CNTN4: variants seen among roughly 807,000 people sequenced by gnomAD.
CNTN4 encodes the protein contactin-4.
Under a neutral mutation model 122.5 loss-of-function variants are expected in CNTN4, and 77 were observed. That is an observed-to-expected ratio of 0.63 (90% CI 0.52 to 0.76). CNTN4 has a LOEUF of 0.76. Among genes scored for constraint, CNTN4 ranks in the 30% least tolerant of loss-of-function variants. The pLI, the probability that CNTN4 is intolerant of heterozygous loss-of-function variation, is 0.00. For missense variants in CNTN4, 1,256 were observed against 1,259.1 expected, an observed-to-expected ratio of 1.00 and a Z score of 0.04; for synonymous variants, 512 against 447.0, an observed-to-expected ratio of 1.15 and a Z score of -1.83.
At chr3:2,407,772 C>G (rs1413928065) in intron 3 of CNTN4, among the ~76,000 whole-genome samples, 1 of 152,102 alleles carries the variant, frequency 6.6e-6, no homozygotes, top group Non-Finnish European at 1.5e-5. Context: ...AAAGTTATTC[C>G]CATCCTGACA....
At chr3:2,319,208 T>C (rs146867843) in intron 2 of CNTN4, among the ~76,000 whole-genome samples, 106 of 152,252 alleles carry the variant, frequency 7.0e-4, no homozygotes, top group African/African-American at 2.3e-3. Flanking sequence ...AAATATTTTA[T>C]ATATATTATT....
intron 3 of CNTN4, among the ~76,000 whole-genome samples, chr3:2,502,990 T>C (rs2076636430): frequency 1.3e-5 from 2 of 152,182 alleles, no homozygotes; most frequent in Non-Finnish European, 2.9e-5. Context: ...ATTCATTTAT[T>C]ACTGAAACAT....
In CNTN4 at chr3:2,251,076, A is replaced by G. The variant is rs1196485526; in HGVS notation, c.-144-88102A>G. On this transcript the variant is annotated intron_variant, in intron 2 of 24. Transcript: ENST00000418658. Reference sequence around the variant, plus strand: ...ACCAAATAAGAATATCCTGCTTTTTACTATAGAAAAGAAGCTAATGGAAAA... The same window carrying G: ...ACCAAATAAGAATATCCTGCTTTTTGCTATAGAAAAGAAGCTAATGGAAAA... 2.6e-5 allele frequency among the ~76,000 whole-genome samples: 4 copies of G among 151,870 alleles called. No homozygotes were observed. In the East Asian group the frequency reaches 7.7e-4, roughly 29 times the overall value.
chr3:3,036,351 G>A (rs1257012023), intron 17 of CNTN4, among the ~76,000 whole-genome samples: 4 of 152,090 alleles, frequency 2.6e-5, no homozygotes, highest in African/African-American at 9.7e-5. Context: ...CTTTAAGAAG[G>A]AAATATGAGA....
intron 4 of CNTN4, among the ~76,000 whole-genome samples, chr3:2,633,260 C>A (rs2082522093): frequency 6.6e-6 from 1 of 152,152 alleles, no homozygotes; most frequent in African/African-American, 2.4e-5. Context: ...GATGCCCCCA[C>A]CCAGGATGCA....
intron 3 of CNTN4, among the ~76,000 whole-genome samples, chr3:2,523,379 T>C (rs1402878492): frequency 1.0e-4 from 14 of 138,266 alleles, no homozygotes; most frequent in Admixed American, 8.8e-4. Context: ...AAAACAAAAC[T>C]TTTTTCTATT....
intron 3 of CNTN4, among the ~76,000 whole-genome samples, chr3:2,527,436 T>TGCTGCTGCTGCTGCTGCTGCTGC (rs34375682): frequency 1.9e-4 from 28 of 150,424 alleles, no homozygotes; most frequent in African/African-American, 5.9e-4. Flanking sequence ...GCTGCTGCTG[T>TGCTGCTGCTGCTGCTGCTGCTGC]TGCTGTTATT....
chr3:2,333,950 G>C (rs2043838619), intron 2 of CNTN4, among the ~76,000 whole-genome samples: 1 of 152,148 alleles, frequency 6.6e-6, no homozygotes, highest in Non-Finnish European at 1.5e-5. Context: ...CTGATTCTGT[G>C]ATGGAAAATG....
At chr3:2,485,553 C>T (rs1357362581) in intron 3 of CNTN4, among the ~76,000 whole-genome samples, 1 of 151,466 alleles carries the variant, frequency 6.6e-6, no homozygotes, top group East Asian at 1.9e-4. Context: ...TAAATACACC[C>T]ATCGGCACTC....
At chr3:2,460,970 A>G (rs1402701794) in intron 3 of CNTN4, among the ~76,000 whole-genome samples, 1 of 152,108 alleles carries the variant, frequency 6.6e-6, no homozygotes, top group Non-Finnish European at 1.5e-5. Context: ...GCCCCTTACT[A>G]GGAAATAAAT....
At chr3:2,127,512 C>G (rs756559951) in intron 2 of CNTN4, among the ~76,000 whole-genome samples, 5 of 151,998 alleles carry the variant, frequency 3.3e-5, no homozygotes, top group African/African-American at 1.2e-4. Flanking sequence ...AAACTAGTCT[C>G]TTTTCTCTAT....
intron 10 of CNTN4, among the ~76,000 whole-genome samples, chr3:2,892,815 C>G (rs2094058960): frequency 6.6e-6 from 1 of 152,164 alleles, no homozygotes; most frequent in Non-Finnish European, 1.5e-5. Context: ...AATACTTAAG[C>G]TGGAAGCAAC....
chr3:2,959,966 C>T (rs1353664170), intron 13 of CNTN4, among the ~76,000 whole-genome samples: 1 of 152,176 alleles, frequency 6.6e-6, no homozygotes, highest in Admixed American at 6.5e-5. Flanking sequence ...TGGACTCAAT[C>T]ATATGGGCAT....
intron 3 of CNTN4, among the ~76,000 whole-genome samples, chr3:2,502,239 GA>G (rs927017418): frequency 2.6e-5 from 4 of 152,088 alleles, no homozygotes; most frequent in Admixed American, 1.3e-4. Context: ...CCAAATTTTA[GA>G]GATACTCCAC....
At chr3:2,764,865 G>A (rs538707719) in intron 6 of CNTN4, among the ~76,000 whole-genome samples, 34 of 152,136 alleles carry the variant, frequency 2.2e-4, no homozygotes, top group African/African-American at 7.5e-4. Flanking sequence ...CCCATTTTAC[G>A]AAGGAGAGAA....
intron 3 of CNTN4, among the ~76,000 whole-genome samples, chr3:2,381,189 G>A (rs907154681): frequency 2.6e-5 from 4 of 152,030 alleles, no homozygotes; most frequent in Non-Finnish European, 1.5e-5. Context: ...TGTATTTTTA[G>A]TAGAGATGGG....
At chr3:2,673,285 T>A (rs1439378863) in intron 4 of CNTN4, among the ~76,000 whole-genome samples, 5 of 152,172 alleles carry the variant, frequency 3.3e-5, no homozygotes, top group Admixed American at 6.5e-5. Context: ...TACAGTCGAT[T>A]TATGCTATCA....
intron 13 of CNTN4, among the ~76,000 whole-genome samples, chr3:2,977,910 G>T (rs1020673076): frequency 3.3e-4 from 50 of 152,292 alleles, no homozygotes; most frequent in African/African-American, 1.2e-3. Context: ...ACAGAGGGAA[G>T]ACAATGTAAA....
In CNTN4 at chr3:2,323,373, A is replaced by G. The variant is rs184508713; in HGVS notation, c.-144-15805A>G. Among the ~76,000 whole-genome samples, 3 of 152,266 alleles carry G rather than the reference A, an allele frequency of 2.0e-5. No individual in the cohort carries two copies. In the East Asian group the frequency reaches 5.8e-4, roughly 29 times the overall value. ...GAACGTTGTTGCGTGCCATGGTCTC[A>G]TGGAGATTCATGGAACCTGGTAAAT... is the stretch of plus-strand genomic sequence containing the variant. On this transcript the variant is annotated intron_variant, in intron 2 of 24. Transcript: ENST00000418658.
Sources: gnomAD v4.1 joint callset for allele counts (sites outside exome capture counted in the v4.1 genomes callset) on GRCh38, gnomAD v4.1.1 for gene constraint, MANE v1.5 for transcripts, NCBI Gene and HGNC (gene_info 2026-07-23, HGNC 2026-07-21) for gene names.